LRRTM4: variants seen among roughly 807,000 people sequenced by gnomAD.
The protein encoded by LRRTM4 is leucine rich repeat transmembrane neuronal 4.
LRRTM4 carries 25 observed loss-of-function variants against 47.6 expected under a neutral mutation model. The ratio of observed to expected loss-of-function variants is 0.53; its 90% CI spans 0.38 to 0.73. LRRTM4 has a LOEUF of 0.73. LRRTM4 is among the 30% of genes least tolerant of loss of function. The pLI, the probability that LRRTM4 is intolerant of heterozygous loss-of-function variation, is 0.00. For synonymous variants in LRRTM4, 311 were observed against 269.5 expected (o/e 1.15, Z -1.51); for missense variants, 638 against 713.4 (o/e 0.89, Z 1.20).
chr2:76,965,447 T>C (rs1186159886), intron 3 of LRRTM4, among the ~76,000 whole-genome samples: 2 of 151,278 alleles, frequency 1.3e-5, no homozygotes, highest in Non-Finnish European at 3.0e-5. Flanking sequence ...TAAAAAAGAA[T>C]CATATGATTA....
chr2:77,207,372 TACACACACAC>T (rs66858623), intron 3 of LRRTM4, among the ~76,000 whole-genome samples: 54 of 130,910 alleles, frequency 4.1e-4, no homozygotes, highest in East Asian at 1.9e-3. Flanking sequence ...TATATATATA[TACACACACAC>T]ATATTTATAT....
At chr2:77,261,584 G>A (rs1675920456) in intron 3 of LRRTM4, among the ~76,000 whole-genome samples, 1 of 151,758 alleles carries the variant, frequency 6.6e-6, no homozygotes, top group Non-Finnish European at 1.5e-5. Context: ...TTTTTTAATT[G>A]CTAAACCTAG....
intron 3 of LRRTM4, among the ~76,000 whole-genome samples, chr2:77,168,905 G>A (rs2103828517): frequency 6.6e-6 from 1 of 152,160 alleles, no homozygotes; most frequent in South Asian, 2.1e-4. Flanking sequence ...TTATCCCAGG[G>A]ATGCAAGGAT....
At chr2:76,856,678 T>C (rs1445352239) in intron 3 of LRRTM4, among the ~76,000 whole-genome samples, 1 of 152,174 alleles carries the variant, frequency 6.6e-6, no homozygotes, top group Non-Finnish European at 1.5e-5. Context: ...TAAAATGTTT[T>C]ATTGCCATTA....
At chr2:77,087,613 CCAT>C (rs1023445363) in intron 3 of LRRTM4, among the ~76,000 whole-genome samples, 24 of 152,282 alleles carry the variant, frequency 1.6e-4, no homozygotes, top group African/African-American at 5.3e-4. Context: ...CTACAAACCA[CCAT>C]CAGTGAGAAT....
chr2:77,344,467 T>G (rs1671487864), intron 3 of LRRTM4, among the ~76,000 whole-genome samples: 1 of 151,642 alleles, frequency 6.6e-6, no homozygotes. Flanking sequence ...TCAATGAAAC[T>G]GAAGATATGT....
chr2:76,761,664 G>A (rs1673258791), intron 3 of LRRTM4, among the ~76,000 whole-genome samples: 1 of 151,996 alleles, frequency 6.6e-6, no homozygotes, highest in Admixed American at 6.6e-5. Context: ...TGCACTATAG[G>A]GAAGAAAGGA....
intron 3 of LRRTM4, among the ~76,000 whole-genome samples, chr2:77,140,588 C>G (rs1288610517): frequency 6.6e-6 from 1 of 152,112 alleles, no homozygotes; most frequent in Non-Finnish European, 1.5e-5. Flanking sequence ...GACTAAAACA[C>G]CAAAAGCAAT....
At chr2:76,973,637 G>A (rs1558771034) in intron 3 of LRRTM4, among the ~76,000 whole-genome samples, 1 of 151,856 alleles carries the variant, frequency 6.6e-6, no homozygotes, top group Non-Finnish European at 1.5e-5. Context: ...ACTTTTGACG[G>A]TATGCTCATT....
chr2:77,477,685 A>C (rs1293768962), intron 3 of LRRTM4, among the ~76,000 whole-genome samples: 1 of 151,664 alleles, frequency 6.6e-6, no homozygotes, highest in Admixed American at 6.6e-5. Flanking sequence ...CCACTAAAAA[A>C]AAGAATAATA....
chr2:76,902,780 G>C (rs879458121), intron 3 of LRRTM4, among the ~76,000 whole-genome samples: 2 of 152,096 alleles, frequency 1.3e-5, no homozygotes, highest in Non-Finnish European at 2.9e-5. Context: ...AACTGCCCTA[G>C]TTTTAAACTA....
At chr2:77,054,736 T>A (rs961079392) in intron 3 of LRRTM4, among the ~76,000 whole-genome samples, 8 of 152,196 alleles carry the variant, frequency 5.3e-5, no homozygotes, top group African/African-American at 7.2e-5. Flanking sequence ...GTAGGAATGG[T>A]ACCACAGGCT....
intron 3 of LRRTM4, among the ~76,000 whole-genome samples, chr2:77,350,282 C>T (rs1480922280): frequency 1.6e-5 from 2 of 127,424 alleles, no homozygotes; most frequent in East Asian, 2.5e-4. Context: ...GCCGAGATTG[C>T]GCCACTGCAG....
intron 3 of LRRTM4, among the ~76,000 whole-genome samples, chr2:77,478,904 C>A (rs1183756533): frequency 1.3e-5 from 2 of 151,850 alleles, no homozygotes; most frequent in Non-Finnish European, 2.9e-5. Context: ...TTCTTTCTTT[C>A]TTTTTTTTGA....
intron 3 of LRRTM4, among the ~76,000 whole-genome samples, chr2:76,888,098 G>A (rs1673136901): frequency 6.7e-6 from 1 of 150,318 alleles, no homozygotes; most frequent in South Asian, 2.1e-4. Flanking sequence ...TATAGTGTGT[G>A]TGTATATATA....
chr2:77,415,250 G>A (rs1674594120), intron 3 of LRRTM4, among the ~76,000 whole-genome samples: 1 of 152,086 alleles, frequency 6.6e-6, no homozygotes, highest in African/African-American at 2.4e-5. Flanking sequence ...GAATGATTAT[G>A]TCTTAATTAC....
intron 3 of LRRTM4, among the ~76,000 whole-genome samples, chr2:76,956,539 A>T (rs1675680326): frequency 6.6e-6 from 1 of 151,408 alleles, no homozygotes; most frequent in African/African-American, 2.4e-5. Flanking sequence ...ATCTAACTTT[A>T]TACCTCAAAG....
At chr2:76,889,210 T>G (rs1333724405) in intron 3 of LRRTM4, among the ~76,000 whole-genome samples, 1 of 151,988 alleles carries the variant, frequency 6.6e-6, no homozygotes, top group African/African-American at 2.4e-5. Context: ...GTTATCTTGA[T>G]CGCCATTTTA....
intron 3 of LRRTM4, among the ~76,000 whole-genome samples, chr2:76,967,764 T>C (rs544266845): frequency 2.6e-5 from 4 of 151,854 alleles, no homozygotes; most frequent in African/African-American, 9.6e-5. Flanking sequence ...CATTTATTTT[T>C]CTTTGAGAAG....
Sources: allele counts gnomAD v4.1 joint callset (sites outside exome capture counted in the v4.1 genomes callset), GRCh38; gene constraint gnomAD v4.1.1; transcripts MANE v1.5; gene names NCBI Gene and HGNC (gene_info 2026-07-23, HGNC 2026-07-21).